Variants in SLFN5 observed in about 807,000 individuals in gnomAD.
SLFN5 encodes schlafen family member 5.
SLFN5 carries 34 observed loss-of-function variants against 48.5 expected under a neutral mutation model. The observed-to-expected ratio is 0.70, with a 90% confidence interval of 0.53 to 0.93. The LOEUF (loss-of-function observed/expected upper bound fraction) is 0.93. SLFN5 is among the 40% of genes least tolerant of loss of function. The pLI, the probability that SLFN5 is intolerant of heterozygous loss-of-function variation, is 0.00. For missense variants in SLFN5, 1,006 were observed against 1,071.3 expected (o/e 0.94, Z 0.85); for synonymous variants, 387 against 396.2 (o/e 0.98, Z 0.28).
chr17:35,255,634 A>G (rs538514376), intron 1 of SLFN5, among the ~76,000 whole-genome samples: 1 of 152,368 alleles, frequency 6.6e-6, no homozygotes, highest in South Asian at 2.1e-4. Context: ...TTGTACTTGT[A>G]TAACAGTGCC....
intron 1 of SLFN5, among the ~76,000 whole-genome samples, chr17:35,244,564 G>A (rs2092426510): frequency 6.6e-6 from 1 of 152,204 alleles, no homozygotes; most frequent in Non-Finnish European, 1.5e-5. Flanking sequence ...GGAGGTGAGA[G>A]TTCCTGTGGC....
intron 1 of SLFN5, among the ~76,000 whole-genome samples, chr17:35,245,734 C>A (rs1424538308): frequency 1.3e-5 from 2 of 151,850 alleles, no homozygotes; most frequent in Non-Finnish European, 2.9e-5. Flanking sequence ...CTTCATTCAT[C>A]TACTGATGGG....
intron 1 of SLFN5, among the ~76,000 whole-genome samples, chr17:35,250,554 G>A (rs1044441340): frequency 1.2e-4 from 18 of 152,018 alleles, no homozygotes; most frequent in Admixed American, 3.9e-4. Context: ...CAGCTACTCG[G>A]GAGGCTGAGG....
In SLFN5 at chr17:35,272,310, A is replaced by C. The variant is rs887782254; in HGVS notation, c.*6422A>C. 3 of 152,206 alleles carry C rather than the reference A, an allele frequency of 2.0e-5. No homozygotes were observed. Among genetic ancestry groups the C allele is most frequent in the African/African-American group, 7.2e-5 (3 of 41,456 alleles). The allele number at this position is 152,206 out of a possible 1,614,324, so 9.4% of individuals were successfully genotyped here. A position where few individuals can be genotyped will look rare whatever the true frequency, so the allele number is the denominator to read the frequency against. On this transcript the variant is annotated 3_prime_UTR_variant, in exon 5 of 5. Transcript: ENST00000299977. ...ATTCAAGTTAATTGGGGAAAGATGG[A>C]TTATTCAATATATGATGAACAACTC...
In SLFN5 at chr17:35,268,823, T is replaced by G. The variant is rs2622524; in HGVS notation, c.*2935T>G. On this transcript the variant is annotated 3_prime_UTR_variant, in exon 5 of 5. Coordinates refer to ENST00000299977, the MANE Select transcript of SLFN5 (RefSeq NM_144975.4). ...TGAAGGCCTGTCCCACTGTACCCAATTTCTCCCTCTCTGAACTGCAGCCTA... is the reference window on the plus strand; with the variant it reads ...TGAAGGCCTGTCCCACTGTACCCAAGTTCTCCCTCTCTGAACTGCAGCCTA... 68,301 of 152,060 alleles carry G rather than the reference T, an allele frequency of 0.45. 17,071 individuals carry two copies. The highest frequency in any genetic ancestry group is 0.57 in the Middle Eastern group (170 of 296). 9.4% of individuals were successfully genotyped at this position (152,060 alleles called of 1,614,324 possible).
chr17:35,261,288 TA>T (rs1442260277), intron 3 of SLFN5, among the ~76,000 whole-genome samples, 192 bp downstream of exon 3: 3 of 152,196 alleles, frequency 2.0e-5, no homozygotes, highest in Admixed American at 2.0e-4. Context: ...AAGCATTTCC[TA>T]AACCAGACAC....
rs377082213 is a variant in SLFN5 at position 35,251,961 on chromosome 17, A to T, written c.-40-6690A>T. 3.9e-5 allele frequency among the ~76,000 whole-genome samples: 6 copies of T among 152,166 alleles called. No homozygotes were observed. The East Asian group carries it at 9.6e-4, about 24-fold the overall frequency. Reference sequence around the variant, plus strand: ...ACTCCTGCCCCCAGGTGATCCACCCATGAAAAAATCTGGTTGAATCTTTAC... The same window carrying T: ...ACTCCTGCCCCCAGGTGATCCACCCTTGAAAAAATCTGGTTGAATCTTTAC... On this transcript the variant is annotated intron_variant, in intron 1 of 4. Coordinates refer to ENST00000299977, the MANE Select transcript of SLFN5 (RefSeq NM_144975.4).
Position 35,268,414 on chromosome 17 carries a change from G to C in SLFN5, c.*2526G>C, listed in dbSNP as rs1904754644. 6.6e-6 allele frequency: 1 copy of C among 152,178 alleles called. No individual in the cohort carries two copies. Among genetic ancestry groups the C allele is most frequent in the Non-Finnish European group, 1.5e-5 (1 of 68,046 alleles). The allele number at this position is 152,178 out of a possible 1,614,324, so 9.4% of individuals were successfully genotyped here. On this transcript the variant is annotated 3_prime_UTR_variant, in exon 5 of 5. Coordinates refer to ENST00000299977, the MANE Select transcript of SLFN5 (RefSeq NM_144975.4). ...TCCTGAAAGGATATATAACTCAGGG[G>C]ACAAAAGACAACTCACCATAAGTTG...
At position 35,265,877 on chromosome 17, in the gene SLFN5, G is replaced by C. The variant is rs778486405; in HGVS notation, c.2665G>C (p.Ala889Pro). ...RAKRHLYILK[A>P]SV ...AAAAAGACATCTGTATATTCTGAAG[G>C]CTTCTGTGTGACAGGAAACCCAAGC... Residue 889 changes from alanine to proline, a missense_variant, in exon 5 of 5, where the codon GCT becomes CCT. Ala to Pro is a conservative substitution (Grantham distance 27, BLOSUM62 -1). Transcript: ENST00000299977. The C allele has an allele frequency of 6.3e-7, 1 of 1,585,954 alleles. No homozygotes were observed. The highest frequency in any genetic ancestry group is 1.2e-5 in the South Asian group (1 of 86,904).
In SLFN5 at chr17:35,272,664, C is replaced by T. The variant is rs576631038; in HGVS notation, c.*6776C>T. On this transcript the variant is annotated 3_prime_UTR_variant, in exon 5 of 5. Transcript: ENST00000299977. ...TTAATTTCTTATTTTCAAAAAATAG[C>T]TTCTACAAATCGAAGAGAAAAATTC... 6.6e-6 allele frequency: 1 copy of T among 152,112 alleles called. No individual in the cohort carries two copies. Among genetic ancestry groups the T allele is most frequent in the Non-Finnish European group, 1.5e-5 (1 of 67,992 alleles). The allele number at this position is 152,112 out of a possible 1,614,324, so 9.4% of individuals were successfully genotyped here. A position where few individuals can be genotyped will look rare whatever the true frequency, so the allele number is the denominator to read the frequency against.
At chr17:35,244,845 G>A (rs8070992) in intron 1 of SLFN5, among the ~76,000 whole-genome samples, 2,956 of 152,114 alleles carry the variant, frequency 0.019, 104 homozygotes, top group African/African-American at 0.068. Flanking sequence ...CGGAGCCTGA[G>A]GCAGGAGAAT....
At chr17:35,261,666 G>A (rs1904523334) in intron 3 of SLFN5, among the ~76,000 whole-genome samples, 1 of 141,696 alleles carries the variant, frequency 7.1e-6, no homozygotes, top group Non-Finnish European at 1.5e-5. Context: ...ACCACGCCAA[G>A]CCACCAGTCT....
chr17:35,260,956 T>C lies in SLFN5; in HGVS notation c.1013-15T>C, dbSNP rs1394012910. On this transcript the variant is annotated splice_polypyrimidine_tract_variant and intron_variant, in intron 2 of 4. Coordinates refer to ENST00000299977, the MANE Select transcript of SLFN5 (RefSeq NM_144975.4). ...GCCTTTTTGCATATTGAATCCTTGG[T>C]TCTTGTTTCCTAAGACCTTTCCAGG... The C allele has an allele frequency of 6.2e-7, 1 of 1,612,788 alleles. No individual in the cohort carries two copies.
chr17:35,244,544 C>A (rs2092426475), intron 1 of SLFN5, among the ~76,000 whole-genome samples: 1 of 152,202 alleles, frequency 6.6e-6, no homozygotes, highest in African/African-American at 2.4e-5. Flanking sequence ...CCTAATCTGT[C>A]TGTCTCATGG....
intron 3 of SLFN5, among the ~76,000 whole-genome samples, chr17:35,261,675 CTTTT>C (rs200709274): frequency 7.9e-6 from 1 of 126,794 alleles, no homozygotes; most frequent in Admixed American, 7.9e-5. Flanking sequence ...AGCCACCAGT[CTTTT>C]TTTTTTTTTT....
At chr17:35,255,091 A>G (rs1201801940) in intron 1 of SLFN5, among the ~76,000 whole-genome samples, 1 of 152,170 alleles carries the variant, frequency 6.6e-6, no homozygotes, top group East Asian at 1.9e-4. Flanking sequence ...ATAATCTATG[A>G]GGGGTGAAGG....
intron 1 of SLFN5, among the ~76,000 whole-genome samples, chr17:35,247,257 A>G (rs1316802975): frequency 1.2e-4 from 19 of 152,208 alleles, no homozygotes; most frequent in Non-Finnish European, 1.5e-5. Context: ...GAATCATATC[A>G]TACCTGAGCA....
In SLFN5 at chr17:35,264,802, C is replaced by T. The variant is rs2142705141; in HGVS notation, c.1758C>T (p.Ile586=). ...GCTTACCTGGATCAGGGAAGACTAT[C>T]TTGGCTCTTAGGATCATGGAGAAGA... is the stretch of plus-strand genomic sequence containing the variant. The part of the protein sequence containing the change: ...VHGLPGSGKT[I]LALRIMEKIR... Residue 586 remains isoleucine (I), a synonymous_variant, in exon 4 of 5, where the codon ATC becomes ATT. Transcript: ENST00000299977. 1 of 1,597,770 alleles carries T rather than the reference C, an allele frequency of 6.3e-7. No individual in the cohort carries two copies. The highest frequency in any genetic ancestry group is 2.2e-5 in the East Asian group (1 of 44,840).
rs1274493513 is a variant in SLFN5 at position 35,264,766 on chromosome 17, G to A, written c.1722G>A (p.Leu574=). ...AGAACCTTCGCAAGACCAGAGAGTT[G>A]TTTGTTCATGGCTTACCTGGATCAG... The part of the protein sequence containing the change: ...LSKNLRKTRE[L]FVHGLPGSGK... The change falls in exon 4 of 5, where the codon TTG becomes TTA. Residue 574 remains leucine (L), a synonymous_variant. Coordinates refer to ENST00000299977, the MANE Select transcript of SLFN5 (RefSeq NM_144975.4). 8 of 1,597,842 alleles carry A rather than the reference G, an allele frequency of 5.0e-6. No homozygotes were observed. Among genetic ancestry groups the A allele is most frequent in the Non-Finnish European group, 6.0e-6 (7 of 1,173,924 alleles).
Sources: gnomAD v4.1 joint callset for allele counts (sites outside exome capture counted in the v4.1 genomes callset) on GRCh38, gnomAD v4.1.1 for gene constraint, MANE v1.5 for transcripts, NCBI Gene and HGNC (gene_info 2026-07-23, HGNC 2026-07-21) for gene names.